Variants in PLCL1 observed in about 807,000 individuals in gnomAD.
PLCL1 encodes the protein phospholipase C like 1 (inactive).
In PLCL1, 41 loss-of-function variants were observed where a neutral mutation model predicts 84.4. The ratio of observed to expected loss-of-function variants is 0.49; its 90% CI spans 0.38 to 0.63. PLCL1 has a LOEUF of 0.63. Ranked by LOEUF, PLCL1 falls within the 30% of genes least tolerant of loss-of-function variation. PLCL1 has a pLI of 0.00. For synonymous variants in PLCL1, 490 were observed against 488.3 expected (o/e 1.00, Z -0.05); for missense variants, 1,206 against 1,367.8 (o/e 0.88, Z 1.87).
At chr2:198,042,168 C>A (rs1691680984) in intron 1 of PLCL1, among the ~76,000 whole-genome samples, 2 of 152,116 alleles carry the variant, frequency 1.3e-5, no homozygotes, top group Non-Finnish European at 2.9e-5. Flanking sequence ...CTCCTCCTTG[C>A]CTTGAATGAA....
chr2:198,071,445 CA>C (rs781537436), intron 1 of PLCL1, among the ~76,000 whole-genome samples: 2 of 151,764 alleles, frequency 1.3e-5, no homozygotes, highest in Non-Finnish European at 3.0e-5. Flanking sequence ...AAAAGTTGTA[CA>C]AGTTTATATT....
chr2:197,893,056 G>A (rs771819888), intron 1 of PLCL1, among the ~76,000 whole-genome samples: 1 of 152,206 alleles, frequency 6.6e-6, no homozygotes, highest in Non-Finnish European at 1.5e-5. Flanking sequence ...CACAGAATAA[G>A]AGGTTTGAAG....
intron 1 of PLCL1, among the ~76,000 whole-genome samples, chr2:198,034,832 T>A (rs962174614): frequency 6.6e-6 from 1 of 152,210 alleles, no homozygotes; most frequent in African/African-American, 2.4e-5. Context: ...TTAACTTAGA[T>A]CAGTTCTTCG....
chr2:197,986,706 G>T (rs971285028), intron 1 of PLCL1, among the ~76,000 whole-genome samples: 1 of 152,146 alleles, frequency 6.6e-6, no homozygotes, highest in Non-Finnish European at 1.5e-5. Context: ...TCTACTGGAA[G>T]TTCTGAGAAG....
At chr2:198,027,519 A>G (rs1440194318) in intron 1 of PLCL1, among the ~76,000 whole-genome samples, 2 of 152,200 alleles carry the variant, frequency 1.3e-5, no homozygotes, top group Non-Finnish European at 2.9e-5. Context: ...ACAAAAAATG[A>G]TAAATATATG....
rs1373005442 is a variant in PLCL1, at chr2:197,972,479, C to T, written c.241-111279C>T. On this transcript the variant is annotated intron_variant, in intron 1 of 5. Coordinates refer to ENST00000428675, the MANE Select transcript of PLCL1 (RefSeq NM_006226.4). ...CTGACAGCATCAGAGAAAACATCCT[C>T]GTAATGTTAATTTTACTCAAACTCC... 5.9e-5 allele frequency among the ~76,000 whole-genome samples: 9 copies of T among 152,078 alleles called. No individual in the cohort carries two copies. The East Asian group carries it at 1.3e-3, about 23-fold the overall frequency.
chr2:197,939,665 A>G (rs572573764), intron 1 of PLCL1, among the ~76,000 whole-genome samples: 1 of 147,930 alleles, frequency 6.8e-6, no homozygotes, highest in African/African-American at 2.5e-5. Context: ...TACATAACCC[A>G]TCTCCAAATA....
chr2:197,935,496 A>G (rs570348565), intron 1 of PLCL1, among the ~76,000 whole-genome samples: 2 of 152,192 alleles, frequency 1.3e-5, no homozygotes, highest in Non-Finnish European at 2.9e-5. Context: ...CATAATCCTA[A>G]GTGAACTAAT....
chr2:197,819,884 ATGTGTGTGTGTG>A (rs57885218), intron 1 of PLCL1, among the ~76,000 whole-genome samples: 3 of 140,570 alleles, frequency 2.1e-5, no homozygotes, highest in East Asian at 4.2e-4. Context: ...ACTATTATGC[ATGTGTGTGTGTG>A]TGTGTGTGTG....
In PLCL1 at chr2:198,084,420, G is replaced by A. The variant is rs1226418902; in HGVS notation, c.903G>A (p.Glu301=). The change falls in exon 2 of 6, where the codon GAG becomes GAA. Residue 301 remains glutamate (E), a synonymous_variant. Transcript: ENST00000428675. The part of the protein sequence containing the change: ...KEKLTTRVTE[E]EFCEAFCELC... The stretch of plus-strand genomic sequence containing the variant: ...AACTAACCACCCGCGTGACCGAAGA[G>A]GAATTTTGTGAAGCTTTTTGTGAAC... 6.2e-7 allele frequency: 1 copy of A among 1,614,160 alleles called. No individual in the cohort carries two copies. Among genetic ancestry groups the A allele is most frequent in the East Asian group, 2.2e-5 (1 of 44,886 alleles).
chr2:197,805,149 C>CG lies in PLCL1; in HGVS notation c.56dup (p.Glu20ArgfsTer87). The CG allele has an allele frequency of 3.1e-6, 4 of 1,306,436 alleles. No homozygotes were observed. Among genetic ancestry groups the CG allele is most frequent in the Non-Finnish European group, 3.9e-6 (4 of 1,032,354 alleles). 80.9% of individuals were successfully genotyped at this position (1,306,436 alleles called of 1,614,324 possible). A position where few individuals can be genotyped will look rare whatever the true frequency, so the allele number is the denominator to read the frequency against. On this transcript the variant is annotated frameshift_variant, in exon 1 of 6. Coordinates refer to ENST00000428675, the MANE Select transcript of PLCL1 (RefSeq NM_006226.4). LOFTEE classifies it high-confidence loss of function. The surrounding 1 kb of genome is among the most constrained non-coding windows in gnomAD (Gnocchi z 4.0). ...GAGGATCCGGCGCCGCCCGACGCGG[C>CG]GGGGGGCGAAGACGACCCCCGAGTG...
chr2:198,027,803 T>G (rs2105845898), intron 1 of PLCL1, among the ~76,000 whole-genome samples: 1 of 152,214 alleles, frequency 6.6e-6, no homozygotes, highest in African/African-American at 2.4e-5. Flanking sequence ...GAAAGGGTAA[T>G]TTGGAACTTT....
intron 5 of PLCL1, among the ~76,000 whole-genome samples, chr2:198,105,490 C>A (rs904630184): frequency 6.6e-6 from 1 of 151,750 alleles, no homozygotes; most frequent in East Asian, 1.9e-4. Context: ...TAGGTTCATA[C>A]TCTAGGAGAT....
intron 1 of PLCL1, among the ~76,000 whole-genome samples, chr2:198,081,930 A>T (rs1399156929): frequency 6.6e-6 from 1 of 152,214 alleles, no homozygotes; most frequent in Non-Finnish European, 1.5e-5. Context: ...TATACTTTTC[A>T]ATATTTGAAA....
intron 1 of PLCL1, among the ~76,000 whole-genome samples, chr2:197,905,666 C>T (rs1403543998): frequency 3.3e-5 from 5 of 151,876 alleles, no homozygotes; most frequent in African/African-American, 7.2e-5. Flanking sequence ...CTTGAGAAAT[C>T]GCCATACTGT....
intron 1 of PLCL1, among the ~76,000 whole-genome samples, chr2:197,849,742 A>T (rs1295673226): frequency 6.6e-6 from 1 of 152,120 alleles, no homozygotes. Context: ...GACTTTGAGA[A>T]AATCAAGAGG....
Position 198,136,223 on chromosome 2 carries a change from C to T in PLCL1, c.3106-10557C>T, listed in dbSNP as rs560620104. 4.9e-3 allele frequency among the ~76,000 whole-genome samples: 739 copies of T among 152,158 alleles called. 7 individuals carry two copies. Among genetic ancestry groups the T allele is most frequent in the South Asian group, 0.022 (105 of 4,822 alleles). On this transcript the variant is annotated intron_variant, in intron 5 of 5. Coordinates refer to ENST00000428675, the MANE Select transcript of PLCL1 (RefSeq NM_006226.4). ...TATATAATAGAATAATAATTGCTAACGATCATTAGAGTTTTCCATGTATGG... is the reference window on the plus strand; with the variant it reads ...TATATAATAGAATAATAATTGCTAATGATCATTAGAGTTTTCCATGTATGG...
chr2:197,978,753 C>T (rs1428784431), intron 1 of PLCL1, among the ~76,000 whole-genome samples: 1 of 152,222 alleles, frequency 6.6e-6, no homozygotes, highest in African/African-American at 2.4e-5. Context: ...CAACCCTGGC[C>T]AGGAGCCATT....
chr2:198,133,228 G>C (rs1050211315), intron 5 of PLCL1, among the ~76,000 whole-genome samples: 1 of 151,820 alleles, frequency 6.6e-6, no homozygotes, highest in Non-Finnish European at 1.5e-5. Flanking sequence ...CCTTTGTAGG[G>C]ACATGGATGA....
Sources: gnomAD v4.1 joint callset for allele counts (sites outside exome capture counted in the v4.1 genomes callset) on GRCh38, gnomAD v4.1.1 for gene constraint, Gnocchi (gnomAD v3.1) non-coding constraint, MANE v1.5 for transcripts, NCBI Gene and HGNC (gene_info 2026-07-23, HGNC 2026-07-21) for gene names.